Variants in NEB observed in about 807,000 individuals in gnomAD.
The protein encoded by NEB is nebulin, also known as nemaline myopathy type 2.
In NEB, 512 loss-of-function variants were observed where a neutral mutation model predicts 952.2. The ratio of observed to expected loss-of-function variants is 0.54; its 90% CI spans 0.50 to 0.58. The LOEUF (loss-of-function observed/expected upper bound fraction) is 0.58. NEB is among the 20% of genes least tolerant of loss of function. The pLI is 0.00. For synonymous variants in NEB, 2,900 were observed against 3,149.8 expected (o/e 0.92, Z 2.66); for missense variants, 8,428 against 9,231.1 (o/e 0.91, Z 3.56).
chr2:151,665,511 C>A lies in NEB; in HGVS notation c.5060G>T (p.Trp1687Leu), dbSNP rs1377396937. 6.2e-7 allele frequency: 1 copy of A among 1,609,494 alleles called. No homozygotes were observed. The highest frequency in any genetic ancestry group is 8.5e-7 in the Non-Finnish European group (1 of 1,177,954). Reference sequence around the variant, plus strand: ...GGGCACCCAGCCGATCCCTTTCATCCAATTGGTGAAGTCAGATTTGTACAG... The same window carrying A: ...GGGCACCCAGCCGATCCCTTTCATCAAATTGGTGAAGTCAGATTTGTACAG... ...DNLYKSDFTN[W>L]MKGIGWVPIE... Residue 1687 changes from tryptophan to leucine, a missense_variant, in exon 42 of 182, where the codon TGG becomes TTG. Trp to Leu is a moderately conservative substitution (Grantham distance 61). Coordinates refer to ENST00000397345, the MANE Select transcript of NEB (RefSeq NM_001164508.2).
intron 165 of NEB, among the ~76,000 whole-genome samples, chr2:151,504,414 T>C (rs2067158476): frequency 6.6e-6 from 1 of 152,162 alleles, no homozygotes; most frequent in Admixed American, 6.5e-5. Context: ...GAAGTTGTAA[T>C]GCAAAGTGAC....
intron 181 of NEB, 22 bp from the exon 182 acceptor site, chr2:151,485,955 G>C (rs753378567): frequency 6.2e-7 from 1 of 1,611,316 alleles, no homozygotes. Flanking sequence ...GATGGAAAAG[G>C]GGAAATATTA....
chr2:151,562,167 G>A lies in NEB; in HGVS notation c.18939C>T (p.Tyr6313=), dbSNP rs201622661. The change falls in exon 121 of 182, where the codon TAC becomes TAT. Residue 6313 remains tyrosine (Y), a synonymous_variant. Coordinates refer to ENST00000397345, the MANE Select transcript of NEB (RefSeq NM_001164508.2). ...GGAGGATTTGGGGTGTATCCCAAACGTAGCAACCAATGCCTTTCAACCAAT... is the reference window on the plus strand; with the variant it reads ...GGAGGATTTGGGGTGTATCCCAAACATAGCAACCAATGCCTTTCAACCAAT... ...DLNWLKGIGC[Y]VWDTPQILHA... The A allele has an allele frequency of 3.0e-5, 48 of 1,613,638 alleles. No individual in the cohort carries two copies. The highest frequency in any genetic ancestry group is 1.7e-4 in the African/African-American group (13 of 75,012).
At chr2:151,729,126 A>G (rs1184170160) in intron 4 of NEB, among the ~76,000 whole-genome samples, 1 of 152,176 alleles carries the variant, frequency 6.6e-6, no homozygotes, top group African/African-American at 2.4e-5. Context: ...TAGAATTGCT[A>G]ATGTGCTAAA....
intron 10 of NEB, among the ~76,000 whole-genome samples, chr2:151,711,138 T>C (rs1368891347): frequency 1.3e-5 from 2 of 152,202 alleles, no homozygotes; most frequent in Non-Finnish European, 2.9e-5. Context: ...GTATGTCTTC[T>C]TCACTTTCAT....
chr2:151,615,958 A>C, intron 76 of NEB, 44 bp downstream of exon 76: 1 of 1,421,832 alleles, frequency 7.0e-7, no homozygotes, highest in Non-Finnish European at 9.8e-7. Context: ...TCTATTTGTC[A>C]ACATCTTTGA....
Position 151,501,496 on chromosome 2 carries a change from A to C in NEB, c.23929-13T>G. Reference sequence around the variant, plus strand: ...CTTTGTACAATATCTGTGTGCACAAAACCAACAAACAAATCAACCTGGACC... The same window carrying C: ...CTTTGTACAATATCTGTGTGCACAACACCAACAAACAAATCAACCTGGACC... On this transcript the variant is annotated splice_polypyrimidine_tract_variant and intron_variant, in intron 167 of 181. Transcript: ENST00000397345. 7.0e-7 allele frequency: 1 copy of C among 1,433,558 alleles called. No individual in the cohort carries two copies. Among genetic ancestry groups the C allele is most frequent in the Non-Finnish European group, 9.3e-7 (1 of 1,073,980 alleles). 88.8% of individuals were successfully genotyped at this position (1,433,558 alleles called of 1,614,324 possible). A position where few individuals can be genotyped will look rare whatever the true frequency, so the allele number is the denominator to read the frequency against.
chr2:151,624,132 G>A (rs1231909958), intron 71 of NEB, among the ~76,000 whole-genome samples: 1 of 152,132 alleles, frequency 6.6e-6, no homozygotes, highest in Non-Finnish European at 1.5e-5. Flanking sequence ...AGATTCCTCA[G>A]AGAATCAACA....
intron 153 of NEB, among the ~76,000 whole-genome samples, chr2:151,522,887 G>T (rs1346617791): frequency 2.6e-5 from 4 of 152,184 alleles, no homozygotes; most frequent in Admixed American, 6.5e-5. Flanking sequence ...CCCACACACA[G>T]CTGAAGCGCC....
intron 17 of NEB, 21 bp from the exon 18 acceptor site, chr2:151,695,703 A>G (rs753692124): frequency 3.0e-5 from 46 of 1,533,494 alleles, no homozygotes; most frequent in Non-Finnish European, 3.9e-5. Context: ...GAGAGAACCA[A>G]TTAGTTCAGA....
chr2:151,505,192 T>C (rs968734370), intron 165 of NEB, among the ~76,000 whole-genome samples: 15 of 152,192 alleles, frequency 9.9e-5, no homozygotes, highest in African/African-American at 3.1e-4. Context: ...ACATTTTACT[T>C]TGGAAACGAA....
chr2:151,692,180 C>G lies in NEB; in HGVS notation c.1999-14G>C. 1 of 1,611,364 alleles carries G rather than the reference C, an allele frequency of 6.2e-7. No individual in the cohort carries two copies. The highest frequency in any genetic ancestry group is 2.2e-5 in the East Asian group (1 of 44,862). ...TTTATATCTAGCCTGAAAAATAAAA[C>G]AAATGTAATTCAAGTTAACAATCAT... On this transcript the variant is annotated splice_polypyrimidine_tract_variant and intron_variant, in intron 21 of 181. Coordinates refer to ENST00000397345, the MANE Select transcript of NEB (RefSeq NM_001164508.2).
At position 151,650,286 on chromosome 2, in the gene NEB, T is replaced by C. The variant is rs1344932692; in HGVS notation, c.7321A>G (p.Ile2441Val). 3.7e-6 allele frequency: 6 copies of C among 1,613,818 alleles called. No homozygotes were observed. The highest frequency in any genetic ancestry group is 5.1e-6 in the Non-Finnish European group (6 of 1,179,868). The change falls in exon 54 of 182, where the codon ATC becomes GTC. Residue 2441 changes from isoleucine (I) to valine (V), a missense_variant. This residue lies in a region of NEB where 1,772 missense variants were observed against 1,960.3 expected (regional missense o/e 0.90). Coordinates refer to ENST00000397345, the MANE Select transcript of NEB (RefSeq NM_001164508.2). Reference sequence around the variant, plus strand: ...TGACGATATTTCTTCTCACTGATGATTTCCGAAGCCCGCTTGTTCTTTTCT... The same window carrying C: ...TGACGATATTTCTTCTCACTGATGACTTCCGAAGCCCGCTTGTTCTTTTCT... ...EAEKNKRASE[I>V]ISEKKYRQPP...
At chr2:151,625,912 ACT>A (rs1400682149) in intron 70 of NEB, among the ~76,000 whole-genome samples, 1 of 152,004 alleles carries the variant, frequency 6.6e-6, no homozygotes, top group Non-Finnish European at 1.5e-5. Context: ...TAACCAGGTC[ACT>A]CTCACCCCAA....
rs1352530794 is a variant in NEB, at chr2:151,706,955, CT to C, written c.1077del (p.Asp360IlefsTer16). The C allele has an allele frequency of 6.2e-7, 1 of 1,600,274 alleles. No individual in the cohort carries two copies. Among genetic ancestry groups the C allele is most frequent in the East Asian group, 2.2e-5 (1 of 44,772 alleles). On this transcript the variant is annotated frameshift_variant, in exon 13 of 182. Coordinates refer to ENST00000397345, the MANE Select transcript of NEB (RefSeq NM_001164508.2). LOFTEE classifies it high-confidence loss of function. The part of the protein sequence containing the change: ...KEDYEKNKGK[A>X]DYNVLPASEN... ...TCTGAAGCAGGAAGCACATTATAAT[CT>C]GCTTTTCCTTTATTCTTTTCATAGT...
At chr2:151,539,077 A>C (rs2093672284) in intron 138 of NEB, among the ~76,000 whole-genome samples, 1 of 152,154 alleles carries the variant, frequency 6.6e-6, no homozygotes, top group South Asian at 2.1e-4. Flanking sequence ...GTTACATTAG[A>C]CTATTGTAAA....
At chr2:151,497,088 G>GAA in intron 171 of NEB, 55 bp from the exon 172 acceptor site, 1 of 1,533,796 alleles carries the variant, frequency 6.5e-7, no homozygotes, top group East Asian at 2.4e-5. Context: ...TTCATTTGTT[G>GAA]AAAGGTTTTA....
chr2:151,643,108 CAA>C (rs751677850), intron 58 of NEB, 40 bp downstream of exon 58: 2 of 1,559,464 alleles, frequency 1.3e-6, no homozygotes, highest in Non-Finnish European at 8.8e-7. Context: ...TTTCCATAAA[CAA>C]AAAAAATTAA....
chr2:151,527,064 C>T, intron 147 of NEB, 42 bp from the exon 148 acceptor site: 1 of 1,339,740 alleles, frequency 7.5e-7, no homozygotes, highest in Non-Finnish European at 1.0e-6. Context: ...AGGGTGACAG[C>T]ACAGGAGGAA....
Sources: allele counts gnomAD v4.1 joint callset (sites outside exome capture counted in the v4.1 genomes callset), GRCh38; gene constraint gnomAD v4.1.1; regional missense constraint gnomAD v4.1.1; transcripts MANE v1.5; gene names NCBI Gene and HGNC (gene_info 2026-07-23, HGNC 2026-07-21).